The following STARD13 variants were observed in gnomAD, a reference collection of about 807,000 sequenced individuals.
STARD13 encodes the protein stAR-related lipid transfer protein 13.
Under a neutral mutation model 106.4 loss-of-function variants are expected in STARD13, and 62 were observed. That is an observed-to-expected ratio of 0.58 (90% CI 0.48 to 0.72). The LOEUF (loss-of-function observed/expected upper bound fraction) is 0.72, where lower values mean the gene tolerates loss of function less well. STARD13 is among the 30% of genes least tolerant of loss of function. STARD13 has a pLI of 0.00. For synonymous variants in STARD13, 565 were observed against 553.0 expected, an observed-to-expected ratio of 1.02 and a Z score of -0.31; for missense variants, 1,387 against 1,424.0, an observed-to-expected ratio of 0.97 and a Z score of 0.42.
intron 1 of STARD13, among the ~76,000 whole-genome samples, chr13:33,301,325 C>G (rs548530036): frequency 6.6e-6 from 1 of 152,228 alleles, no homozygotes; most frequent in African/African-American, 2.4e-5. Flanking sequence ...GGACCAGTGC[C>G]CTGATGGTTA....
chr13:33,442,833 A>G, the STARD13 span, among the ~76,000 whole-genome samples: 55,825 of 152,078 alleles, frequency 0.37, 10,246 homozygotes, highest in Middle Eastern at 0.42. Context: ...TCCATAATAT[A>G]TTAATTGTAA....
At chr13:33,293,867 C>T (rs1013514549) in intron 1 of STARD13, among the ~76,000 whole-genome samples, 1 of 152,206 alleles carries the variant, frequency 6.6e-6, no homozygotes, top group Non-Finnish European at 1.5e-5. Context: ...GCTCTCCTTG[C>T]TCCTCAGCTT....
chr13:33,540,436 A>T, the STARD13 span, among the ~76,000 whole-genome samples: 1 of 152,242 alleles, frequency 6.6e-6, no homozygotes, highest in African/African-American at 2.4e-5. Flanking sequence ...ATAGTTGATA[A>T]CTGTGATAGT....
At chr13:33,320,689 G>A (rs1419453742) in intron 1 of STARD13, among the ~76,000 whole-genome samples, 1 of 152,024 alleles carries the variant, frequency 6.6e-6, no homozygotes, top group Non-Finnish European at 1.5e-5. Context: ...AAAAAGATTG[G>A]CCAGGTATGG....
intron 1 of STARD13, among the ~76,000 whole-genome samples, chr13:33,291,544 G>A (rs983433008): frequency 3.3e-5 from 5 of 152,158 alleles, no homozygotes; most frequent in Admixed American, 6.5e-5. Context: ...GAGATTATGG[G>A]AGGCTTTATT....
the STARD13 span, among the ~76,000 whole-genome samples, chr13:33,650,504 A>G: frequency 6.6e-6 from 1 of 151,954 alleles, no homozygotes; most frequent in South Asian, 2.1e-4. Flanking sequence ...CCAATTTTTA[A>G]AACATTACAT....
chr13:33,357,713 T>A, the STARD13 span, among the ~76,000 whole-genome samples: 306 of 152,296 alleles, frequency 2.0e-3, 2 homozygotes, highest in African/African-American at 6.4e-3. Flanking sequence ...GGTAGATCAC[T>A]TGAGGTTAGG....
chr13:33,378,843 C>T, the STARD13 span, among the ~76,000 whole-genome samples: 1 of 150,436 alleles, frequency 6.6e-6, no homozygotes, highest in Non-Finnish European at 1.5e-5. Flanking sequence ...GGCGTGGTGG[C>T]TCACACTTGT....
chr13:33,258,233 A>G (rs1299040475), intron 1 of STARD13, among the ~76,000 whole-genome samples: 2 of 152,208 alleles, frequency 1.3e-5, no homozygotes, highest in African/African-American at 2.4e-5. Context: ...GTCATCTTTT[A>G]TCTGGCGTAG....
chr13:33,454,192 G>T, the STARD13 span, among the ~76,000 whole-genome samples: 1 of 152,172 alleles, frequency 6.6e-6, no homozygotes, highest in South Asian at 2.1e-4. Flanking sequence ...GAATGAACTT[G>T]GCAGGAGGAC....
At chr13:33,667,662 T>G in the STARD13 span, among the ~76,000 whole-genome samples, 16 of 152,208 alleles carry the variant, frequency 1.1e-4, no homozygotes, top group Non-Finnish European at 2.1e-4. Context: ...AAACTACCAC[T>G]TGCTATCAGT....
At chr13:33,158,531 C>T (rs1882244819) in intron 3 of STARD13, 1 of 152,182 alleles carries the variant, frequency 6.6e-6, no homozygotes, top group African/African-American at 2.4e-5. Flanking sequence ...TCTGCACTAG[C>T]TCAGCATTTC....
intron 1 of STARD13, among the ~76,000 whole-genome samples, chr13:33,275,266 T>C (rs564040666): frequency 6.6e-6 from 1 of 152,354 alleles, no homozygotes; most frequent in African/African-American, 2.4e-5. Context: ...ATTATATATG[T>C]CTGCCATAAT....
At chr13:33,349,272 G>A (rs997821424) in intron 1 of STARD13, 1 of 700,832 alleles carries the variant, frequency 1.4e-6, no homozygotes, top group Non-Finnish European at 2.6e-6. Flanking sequence ...GTCACCTCAG[G>A]GGCCCTTCCA....
chr13:33,658,802 T>C, the STARD13 span, among the ~76,000 whole-genome samples: 1 of 152,134 alleles, frequency 6.6e-6, no homozygotes, highest in Non-Finnish European at 1.5e-5. Flanking sequence ...AAGGCATGAT[T>C]AGAGAGAGAG....
chr13:33,436,761 C>G, the STARD13 span, among the ~76,000 whole-genome samples: 1 of 152,112 alleles, frequency 6.6e-6, no homozygotes, highest in Non-Finnish European at 1.5e-5. Context: ...TAATGACTGG[C>G]CTTTAAACCA....
chr13:33,121,576 A>G (rs9568871), intron 7 of STARD13, among the ~76,000 whole-genome samples: 6 of 150,492 alleles, frequency 4.0e-5, no homozygotes, highest in African/African-American at 1.2e-4. Context: ...TCAAAAAAAA[A>G]AAAAAAAAGT....
chr13:33,388,286 C>T, the STARD13 span, among the ~76,000 whole-genome samples: 22 of 152,174 alleles, frequency 1.4e-4, no homozygotes, highest in Non-Finnish European at 2.1e-4. Context: ...TGAGCAAAAA[C>T]GACCAGGTTT....
chr13:33,395,334 T>C, the STARD13 span, among the ~76,000 whole-genome samples: 3 of 152,232 alleles, frequency 2.0e-5, no homozygotes, highest in Non-Finnish European at 4.4e-5. Context: ...CTGAAAAATG[T>C]AGTCACCTAG....
Sources: allele counts gnomAD v4.1 joint callset (sites outside exome capture counted in the v4.1 genomes callset), GRCh38; gene constraint gnomAD v4.1.1; transcripts MANE v1.5; gene names NCBI Gene and HGNC (gene_info 2026-07-23, HGNC 2026-07-21).